MORC3: variants seen among roughly 807,000 people sequenced by gnomAD.
MORC3 encodes the protein MORC family CW-type zinc finger protein 3.
In MORC3, 31 loss-of-function variants were observed where a neutral mutation model predicts 109.1. The observed-to-expected ratio is 0.28, with a 90% confidence interval of 0.21 to 0.38. MORC3 has a LOEUF of 0.38. MORC3 is among the 10% of genes least tolerant of loss of function. MORC3 has a pLI of 1.00. For missense variants in MORC3, 867 were observed against 1,135.8 expected (o/e 0.76, Z 3.40); for synonymous variants, 395 against 380.7 (o/e 1.04, Z -0.44).
chr21:36,357,302 T>A (rs2085655995), intron 10 of MORC3, among the ~76,000 whole-genome samples: 1 of 152,222 alleles, frequency 6.6e-6, no homozygotes, highest in African/African-American at 2.4e-5. Flanking sequence ...ACATAATTTA[T>A]ACATTATACA....
intron 15 of MORC3, among the ~76,000 whole-genome samples, chr21:36,370,653 T>C (rs1249638965): frequency 8.9e-6 from 1 of 112,242 alleles, no homozygotes; most frequent in African/African-American, 3.5e-5. Context: ...TTTTTTTTTT[T>C]TTTTTTTTTT....
Position 36,369,850 on chromosome 21 carries a change from A to T in MORC3, c.2482A>T (p.Ile828Phe). 6.2e-7 allele frequency: 1 copy of T among 1,613,054 alleles called. No individual in the cohort carries two copies. The change falls in exon 15 of 17, where the codon ATT becomes TTT. Residue 828 changes from isoleucine to phenylalanine, a missense_variant. Ile to Phe is a conservative substitution (Grantham distance 21). This residue lies in a region of MORC3 where 486 missense variants were observed against 502.1 expected (regional missense o/e 0.97). Coordinates refer to ENST00000400485, the MANE Select transcript of MORC3 (RefSeq NM_015358.3). Reference protein sequence around the residue: ...DVFRQLDKCSIERDQYKSEVE... With the variant: ...DVFRQLDKCSFERDQYKSEVE... Reference sequence around the variant, plus strand: ...GTTTAGACAACTGGACAAATGCAGTATTGAGAGGGACCAGTATAAAAGTGA... The same window carrying T: ...GTTTAGACAACTGGACAAATGCAGTTTTGAGAGGGACCAGTATAAAAGTGA...
intron 12 of MORC3, 186 bp from the exon 13 acceptor site, chr21:36,361,997 A>AAATTCAG: frequency 3.0e-6 from 2 of 677,384 alleles, no homozygotes. Context: ...GAGGATGGAA[A>AAATTCAG]AATTCAGGCT....
chr21:36,345,423 T>G (rs919614999), intron 8 of MORC3, among the ~76,000 whole-genome samples: 1 of 150,682 alleles, frequency 6.6e-6, no homozygotes, highest in Non-Finnish European at 1.5e-5. Context: ...GTTTTTTTTG[T>G]TTTTTGTTTT....
In MORC3 at chr21:36,338,927, CGTG is replaced by C; in HGVS notation, c.608+8_608+10del. 1 of 1,528,138 alleles carries C rather than the reference CGTG, an allele frequency of 6.5e-7. No individual in the cohort carries two copies. Among genetic ancestry groups the C allele is most frequent in the Non-Finnish European group, 8.9e-7 (1 of 1,117,642 alleles). The allele number at this position is 1,528,138 out of a possible 1,614,324, so 94.7% of individuals were successfully genotyped here. A position where few individuals can be genotyped will look rare whatever the true frequency, so the allele number is the denominator to read the frequency against. Reference sequence around the variant, plus strand: ...ATCATTTGGAATCTTAGAAGGTAAACGTGGACATAGATGTTGACCGTTTGGGAA... The same window carrying C: ...ATCATTTGGAATCTTAGAAGGTAAACGACATAGATGTTGACCGTTTGGGAA... On this transcript the variant is annotated splice_region_variant and intron_variant, in intron 5 of 16. Transcript: ENST00000400485.
intron 13 of MORC3, among the ~76,000 whole-genome samples, chr21:36,363,822 G>A (rs545653596): frequency 6.6e-6 from 1 of 152,066 alleles, no homozygotes; most frequent in Admixed American, 6.6e-5. Flanking sequence ...TGGCTTTGTG[G>A]GCCACATAAA....
chr21:36,341,696 C>T, intron 6 of MORC3, 150 bp downstream of exon 6: 1 of 1,060,798 alleles, frequency 9.4e-7, no homozygotes, highest in South Asian at 1.5e-5. Flanking sequence ...CCCACTCAGC[C>T]TGGGCAACAG....
Position 36,369,484 on chromosome 21 carries a change from G to C in MORC3, c.2116G>C (p.Val706Leu), listed in dbSNP as rs371716354. 4 of 1,614,048 alleles carry C rather than the reference G, an allele frequency of 2.5e-6. No homozygotes were observed. In the African/African-American group the frequency reaches 4.0e-5, roughly 16 times the overall value. Reference protein sequence around the residue: ...LQELRNQLLLVTEEKENYKRQ... With the variant: ...LQELRNQLLLLTEEKENYKRQ... Reference sequence around the variant, plus strand: ...AGAACTGAGAAACCAGCTACTCCTTGTCACTGAGGAAAAAGAGAATTATAA... The same window carrying C: ...AGAACTGAGAAACCAGCTACTCCTTCTCACTGAGGAAAAAGAGAATTATAA... The change falls in exon 15 of 17, where the codon GTC becomes CTC. Residue 706 changes from valine (V) to leucine (L), a missense_variant. Coordinates refer to ENST00000400485, the MANE Select transcript of MORC3 (RefSeq NM_015358.3).
chr21:36,325,381 T>G (rs1413796543), intron 1 of MORC3, among the ~76,000 whole-genome samples: 1 of 152,200 alleles, frequency 6.6e-6, no homozygotes, highest in African/African-American at 2.4e-5. Context: ...TCTTGGAAAT[T>G]GGCATGAAAG....
intron 10 of MORC3, among the ~76,000 whole-genome samples, chr21:36,359,518 C>T (rs1220468468): frequency 6.7e-6 from 1 of 150,178 alleles, no homozygotes. Context: ...CGTGCCTTGC[C>T]TTGCCTTTTC....
chr21:36,327,109 C>T lies in MORC3; in HGVS notation c.40-6537C>T, dbSNP rs1039305982. 4.7e-5 allele frequency among the ~76,000 whole-genome samples: 7 copies of T among 148,568 alleles called. No individual in the cohort carries two copies. The South Asian group carries it at 6.4e-4, about 14-fold the overall frequency. ...GGGTTACAGCAGGCGTGAGCCAGCG[C>T]GCCTGGCCTCAAATTTAAATTTAAA... On this transcript the variant is annotated intron_variant, in intron 1 of 16. Transcript: ENST00000400485.
chr21:36,366,654 C>T (rs1249623981), intron 14 of MORC3, among the ~76,000 whole-genome samples: 1 of 152,076 alleles, frequency 6.6e-6, no homozygotes, highest in Non-Finnish European at 1.5e-5. Flanking sequence ...GGGGGTTCAC[C>T]ATATTGCCCA....
intron 14 of MORC3, among the ~76,000 whole-genome samples, chr21:36,367,111 A>G (rs962266670): frequency 6.6e-5 from 10 of 152,208 alleles, no homozygotes; most frequent in Non-Finnish European, 1.3e-4. Flanking sequence ...AAGTCTGGTG[A>G]GTGCCCTTTC....
intron 12 of MORC3, 145 bp from the exon 13 acceptor site, chr21:36,362,038 G>A: frequency 1.2e-6 from 1 of 835,648 alleles, no homozygotes; most frequent in Non-Finnish European, 1.9e-6. Flanking sequence ...ATAAAAGGTA[G>A]AAAGTATTTC....
chr21:36,321,837 C>T (rs184919526), intron 1 of MORC3, among the ~76,000 whole-genome samples: 2 of 152,284 alleles, frequency 1.3e-5, no homozygotes, highest in Admixed American at 1.3e-4. Context: ...TCTCTTCTCC[C>T]TTCCCGCCCC....
In MORC3 at chr21:36,356,708, C is replaced by G. The variant is rs867242029; in HGVS notation, c.1192C>G (p.Pro398Ala). Reference sequence around the variant, plus strand: ...AAATACAGAATATCCTCTAAATTTGCCAGTTGAAGATATACAGTAAGTACA... The same window carrying G: ...AAATACAGAATATCCTCTAAATTTGGCAGTTGAAGATATACAGTAAGTACA... ...KKNTEYPLNL[P>A]VEDIQKRPDQ... The change falls in exon 10 of 17, where the codon CCA (proline) becomes GCA (alanine). Residue 398 changes from proline (P) to alanine (A), a missense_variant. By Grantham distance (27) the Pro-to-Ala change is conservative. Around this residue, in one of 7 missense-constraint regions of MORC3, gnomAD observed 120 missense variants for 259.7 expected, o/e 0.46. Transcript: ENST00000400485. 1 of 1,579,574 alleles carries G rather than the reference C, an allele frequency of 6.3e-7. No homozygotes were observed. Among genetic ancestry groups the G allele is most frequent in the African/African-American group, 1.4e-5 (1 of 73,566 alleles).
chr21:36,322,683 C>T (rs973460918), intron 1 of MORC3, among the ~76,000 whole-genome samples: 1 of 152,170 alleles, frequency 6.6e-6, no homozygotes, highest in Non-Finnish European at 1.5e-5. Flanking sequence ...AATGTATACA[C>T]ATTTTAAACA....
chr21:36,338,459 A>G (rs1020457101), intron 4 of MORC3, among the ~76,000 whole-genome samples: 2 of 152,138 alleles, frequency 1.3e-5, no homozygotes, highest in Non-Finnish European at 1.5e-5. Context: ...AGGCCAAGAC[A>G]GAAGGATTGC....
chr21:36,327,499 G>GT (rs1295714345), intron 1 of MORC3, among the ~76,000 whole-genome samples: 1 of 151,262 alleles, frequency 6.6e-6, no homozygotes, highest in Non-Finnish European at 1.5e-5. Context: ...ATAAAATACA[G>GT]TAAGTGTTCT....
Sources: gnomAD v4.1 joint callset for allele counts (sites outside exome capture counted in the v4.1 genomes callset) on GRCh38, gnomAD v4.1.1 for gene constraint, gnomAD v4.1.1 regional missense constraint, MANE v1.5 for transcripts, NCBI Gene and HGNC (gene_info 2026-07-23, HGNC 2026-07-21) for gene names.